The following NFATC1 variants were observed in gnomAD, a reference collection of about 807,000 sequenced individuals.
NFATC1 encodes nuclear factor of activated T cells 1.
NFATC1 carries 22 observed loss-of-function variants against 76.0 expected under a neutral mutation model. The observed-to-expected ratio is 0.29, with a 90% CI of 0.21 to 0.41. The LOEUF (loss-of-function observed/expected upper bound fraction) is 0.41, where lower values mean the gene tolerates loss of function less well. Ranked by LOEUF, NFATC1 falls within the 10% of genes least tolerant of loss-of-function variation. NFATC1 has a pLI of 1.00. For missense variants in NFATC1, 1,357 were observed against 1,337.7 expected, an observed-to-expected ratio of 1.01 and a Z score of -0.23; for synonymous variants, 704 against 613.1, an observed-to-expected ratio of 1.15 and a Z score of -2.19.
intron 9 of NFATC1, chr18:79,497,832 C>T (rs1336555948): frequency 6.6e-6 from 1 of 151,576 alleles, no homozygotes; most frequent in Admixed American, 6.6e-5. Flanking sequence ...TTTAAGGAAA[C>T]TTCCTGTCTG....
At chr18:79,476,957 C>G (rs2089098795) in intron 8 of NFATC1, among the ~76,000 whole-genome samples, 1 of 152,244 alleles carries the variant, frequency 6.6e-6, no homozygotes, top group African/African-American at 2.4e-5. Flanking sequence ...CACAAATTCC[C>G]AAAGGCGGAT....
At chr18:79,469,155 A>C (rs1488540426) in intron 8 of NFATC1, 4 of 282,608 alleles carry the variant, frequency 1.4e-5, no homozygotes, top group African/African-American at 9.1e-5. Flanking sequence ...AGTACAATAT[A>C]TCTTACAGAA....
At chr18:79,479,228 G>A (rs907445475) in intron 8 of NFATC1, among the ~76,000 whole-genome samples, 5 of 152,100 alleles carry the variant, frequency 3.3e-5, no homozygotes, top group African/African-American at 7.2e-5. Flanking sequence ...CCATCCTTTC[G>A]CCACCTCTAC....
At chr18:79,462,283 C>T (rs573180153) in intron 7 of NFATC1, among the ~76,000 whole-genome samples, 92 of 152,262 alleles carry the variant, frequency 6.0e-4, no homozygotes, top group African/African-American at 1.4e-3. Flanking sequence ...TCCTCTCTGA[C>T]GCTGTCTTGT....
chr18:79,405,267 G>T (rs1568915980), intron 1 of NFATC1, among the ~76,000 whole-genome samples: 1 of 152,228 alleles, frequency 6.6e-6, no homozygotes, highest in African/African-American at 2.4e-5. Flanking sequence ...TTAGAATCCA[G>T]CTGTCTCCCT....
intron 2 of NFATC1, among the ~76,000 whole-genome samples, chr18:79,427,735 C>T: frequency 1.4e-5 from 1 of 71,374 alleles, no homozygotes; most frequent in Non-Finnish European, 2.6e-5. Context: ...GACGGCTGGC[C>T]TCTGTGCAGT....
At chr18:79,453,139 TC>T (rs2087543802) in intron 6 of NFATC1, among the ~76,000 whole-genome samples, 1 of 152,254 alleles carries the variant, frequency 6.6e-6, no homozygotes, top group Non-Finnish European at 1.5e-5. Flanking sequence ...GAAATAATTT[TC>T]CCTTCAGAGC....
intron 9 of NFATC1, among the ~76,000 whole-genome samples, chr18:79,489,935 C>T (rs2089628784): frequency 6.6e-6 from 1 of 152,214 alleles, no homozygotes; most frequent in African/African-American, 2.4e-5. Context: ...GTTGAGATAC[C>T]TGTGCAGACA....
chr18:79,440,908 C>G (rs2086948993), intron 3 of NFATC1, among the ~76,000 whole-genome samples: 1 of 152,176 alleles, frequency 6.6e-6, no homozygotes, highest in Non-Finnish European at 1.5e-5. Flanking sequence ...CCTGCCCAGG[C>G]CAGACGTGGG....
intron 9 of NFATC1, among the ~76,000 whole-genome samples, chr18:79,512,749 C>T (rs2145180263): frequency 6.6e-6 from 1 of 152,356 alleles, no homozygotes; most frequent in Non-Finnish European, 1.5e-5. Flanking sequence ...GTGGAGCCTG[C>T]ACACGTGAGC....
At position 79,410,182 on chromosome 18, in the gene NFATC1, G is replaced by A. The variant is rs896303181; in HGVS notation, c.128-221G>A. ...GTTAGGGGAGGAGGGGAGGTGGGCA[G>A]TGAGGGGCTCACGGGAGCCTTGTTG... is the stretch of plus-strand genomic sequence containing the variant. On this transcript the variant is annotated intron_variant, in intron 1 of 9. Transcript: ENST00000427363. This position sits in a 1 kb window ranked among gnomAD's most constrained non-coding sequence, Gnocchi z 6.7. 35 of 782,482 alleles carry A rather than the reference G, an allele frequency of 4.5e-5. No homozygotes were observed. The highest frequency in any genetic ancestry group is 7.4e-5 in the East Asian group (3 of 40,788). The allele number at this position is 782,482 out of a possible 1,614,324, so 48.5% of individuals were successfully genotyped here.
chr18:79,522,234 G>A (rs113024964), intron 9 of NFATC1, among the ~76,000 whole-genome samples: 94 of 117,546 alleles, frequency 8.0e-4, no homozygotes, highest in Non-Finnish European at 1.2e-3. Context: ...CTGGGTGTAG[G>A]GGGGGTGGCA....
intron 9 of NFATC1, among the ~76,000 whole-genome samples, chr18:79,492,843 C>T (rs2089724400): frequency 6.8e-6 from 1 of 146,900 alleles, no homozygotes; most frequent in Non-Finnish European, 1.5e-5. Flanking sequence ...CACTGCACTC[C>T]AGCCTGGGTG....
chr18:79,440,058 G>A (rs2086915902), intron 3 of NFATC1, among the ~76,000 whole-genome samples: 1 of 152,172 alleles, frequency 6.6e-6, no homozygotes, highest in East Asian at 1.9e-4. Flanking sequence ...GGAAAAACTG[G>A]CAAAAATGTG....
chr18:79,490,486 C>G (rs2089646914), intron 9 of NFATC1, among the ~76,000 whole-genome samples: 1 of 152,126 alleles, frequency 6.6e-6, no homozygotes, highest in African/African-American at 2.4e-5. Context: ...GTCCCTGATA[C>G]AGGCCTGACA....
intron 2 of NFATC1, among the ~76,000 whole-genome samples, chr18:79,415,602 A>G (rs1460894026): frequency 6.6e-6 from 1 of 152,116 alleles, no homozygotes; most frequent in South Asian, 2.1e-4. Flanking sequence ...ATTTCTACAC[A>G]TGAAACATTG....
intron 9 of NFATC1, among the ~76,000 whole-genome samples, chr18:79,495,519 T>C (rs914069616): frequency 6.6e-6 from 1 of 152,144 alleles, no homozygotes; most frequent in Non-Finnish European, 1.5e-5. Flanking sequence ...CTAAAATTAG[T>C]AACTGGAGAG....
At chr18:79,461,665 C>A (rs2144870542) in intron 7 of NFATC1, among the ~76,000 whole-genome samples, 1 of 152,310 alleles carries the variant, frequency 6.6e-6, no homozygotes, top group African/African-American at 2.4e-5. Context: ...TGAGACAGCC[C>A]AGGGAAGGTC....
intron 1 of NFATC1, among the ~76,000 whole-genome samples, chr18:79,405,276 C>G (rs952927361): frequency 1.1e-4 from 16 of 152,258 alleles, no homozygotes; most frequent in African/African-American, 3.9e-4. Flanking sequence ...AGCTGTCTCC[C>G]TGCTCACCTG....
Sources: allele counts gnomAD v4.1 joint callset (sites outside exome capture counted in the v4.1 genomes callset), GRCh38; gene constraint gnomAD v4.1.1; non-coding constraint Gnocchi (gnomAD v3.1); transcripts MANE v1.5; gene names NCBI Gene and HGNC (gene_info 2026-07-23, HGNC 2026-07-21).